Variants in ZRANB2 observed in about 807,000 individuals in gnomAD.
ZRANB2 encodes zinc finger Ran-binding domain-containing protein 2.
A neutral mutation model predicts 53.4 loss-of-function variants in ZRANB2; 19 were observed. The observed-to-expected ratio is 0.36, with a 90% CI of 0.25 to 0.52. The LOEUF (loss-of-function observed/expected upper bound fraction) is 0.52. ZRANB2 is among the 20% of genes least tolerant of loss of function. The pLI is 0.93. For synonymous variants in ZRANB2, 145 were observed against 134.8 expected (o/e 1.08, Z -0.52); for missense variants, 309 against 401.1 (o/e 0.77, Z 1.96).
At chr1:71,072,964 T>G (rs1164026214) in intron 4 of ZRANB2, among the ~76,000 whole-genome samples, 2 of 152,116 alleles carry the variant, frequency 1.3e-5, no homozygotes, top group African/African-American at 4.8e-5. Flanking sequence ...TCTTCTGATA[T>G]TCTGAAATTT....
At chr1:71,076,542 G>A (rs917860564) in intron 4 of ZRANB2, among the ~76,000 whole-genome samples, 1 of 152,102 alleles carries the variant, frequency 6.6e-6, no homozygotes, top group Non-Finnish European at 1.5e-5. Context: ...GGGAGAGGAG[G>A]AGAATATTTC....
chr1:71,076,728 AC>A lies in ZRANB2; in HGVS notation c.301+66del, dbSNP rs1298469557. 4.5e-5 allele frequency: 53 copies of A among 1,177,068 alleles called. No homozygotes were observed. In the African/African-American group the frequency reaches 7.0e-4, roughly 16 times the overall value. 72.9% of individuals were successfully genotyped at this position (1,177,068 alleles called of 1,614,324 possible). ...ACTGTGGCTCTTACTCGAAGGTGATACAATTATCGTTTCAATATTTAGTGCT... is the reference window on the plus strand; with the variant it reads ...ACTGTGGCTCTTACTCGAAGGTGATAAATTATCGTTTCAATATTTAGTGCT... On this transcript the variant is annotated intron_variant, in intron 4 of 9. Coordinates refer to ENST00000370920, the MANE Select transcript of ZRANB2 (RefSeq NM_203350.3).
In ZRANB2 at chr1:71,066,031, T is replaced by G. The variant is rs886098645; in HGVS notation, c.929+745A>C. 32 of 248,128 alleles carry G rather than the reference T, an allele frequency of 1.3e-4. No individual in the cohort carries two copies. In the East Asian group the frequency reaches 2.5e-3, roughly 19 times the overall value. The allele number at this position is 248,128 out of a possible 1,614,324, so 15.4% of individuals were successfully genotyped here. A position where few individuals can be genotyped will look rare whatever the true frequency, so the allele number is the denominator to read the frequency against. ...CCACTGAACCCAGCAATTAATAGAC[T>G]TTACATAATCTTTATTTTCACAAGC... On this transcript the variant is annotated intron_variant, in intron 9 of 9. Coordinates refer to ENST00000370920, the MANE Select transcript of ZRANB2 (RefSeq NM_203350.3).
At chr1:71,080,877 A>C in intron 1 of ZRANB2, 63 bp downstream of exon 1, 1 of 1,579,802 alleles carries the variant, frequency 6.3e-7, no homozygotes, top group Non-Finnish European at 8.7e-7. Flanking sequence ...AAAATGCCGG[A>C]CGGACCTCGG....
At chr1:71,070,172 G>T (rs963674944) in intron 7 of ZRANB2, among the ~76,000 whole-genome samples, 2 of 151,980 alleles carry the variant, frequency 1.3e-5, no homozygotes, top group South Asian at 4.2e-4. Flanking sequence ...TGTGATTAAG[G>T]TTTTTCAAGA....
intron 3 of ZRANB2, among the ~76,000 whole-genome samples, chr1:71,077,582 C>T (rs1261635378): frequency 6.6e-6 from 1 of 152,100 alleles, no homozygotes; most frequent in African/African-American, 2.4e-5. Context: ...GGAATAGTGG[C>T]CCATGCCTCG....
Position 71,066,901 on chromosome 1 carries a change from G to C in ZRANB2, c.804C>G (p.Ser268=). 6.3e-7 allele frequency: 1 copy of C among 1,598,630 alleles called. No homozygotes were observed. The change falls in exon 9 of 10, where the codon TCC becomes TCG. Residue 268 remains serine, a synonymous_variant. Coordinates refer to ENST00000370920, the MANE Select transcript of ZRANB2 (RefSeq NM_203350.3). ...AACTTGAATAAGATCTTTTTCGTGG[G>C]GAAGAAGAGCCCCTGTGGGACCTGG... The part of the protein sequence containing the change: ...SSSRSHRGSS[S]PRKRSYSSSS...
Position 71,065,919 on chromosome 1 carries a change from CTG to C in ZRANB2, c.930-784_930-783del, listed in dbSNP as rs776857056. 1.2e-3 allele frequency: 1,147 copies of C among 975,268 alleles called. 1 individual carries two copies. Among genetic ancestry groups the C allele is most frequent in the Non-Finnish European group, 1.6e-3 (1,070 of 683,510 alleles). 60.4% of individuals were successfully genotyped at this position (975,268 alleles called of 1,614,324 possible). ...AAGAAACAAATGCAGAGAAACAAGA[CTG>C]TGTGAAATCTTAACATCTAAACTCC... On this transcript the variant is annotated intron_variant, in intron 9 of 9. Transcript: ENST00000370920.
chr1:71,069,543 A>G (rs893152562), intron 7 of ZRANB2, 181 bp from the exon 8 acceptor site: 1 of 430,162 alleles, frequency 2.3e-6, no homozygotes, highest in African/African-American at 2.1e-5. Context: ...AAAGGTAATT[A>G]AAAAAATATC....
At position 71,064,939 on chromosome 1, in the gene ZRANB2, T is replaced by C; in HGVS notation, c.*135A>G. 1.8e-6 allele frequency: 1 copy of C among 547,422 alleles called. No homozygotes were observed. The highest frequency in any genetic ancestry group is 3.3e-6 in the Non-Finnish European group (1 of 304,582). The allele number at this position is 547,422 out of a possible 1,614,324, so 33.9% of individuals were successfully genotyped here. A position where few individuals can be genotyped will look rare whatever the true frequency, so the allele number is the denominator to read the frequency against. ...AACTTCACAAATAAACACAGCTGTA[T>C]TGTTTTGAAAAGCAATGAAAGGCAT... On this transcript the variant is annotated 3_prime_UTR_variant, in exon 10 of 10. Coordinates refer to ENST00000370920, the MANE Select transcript of ZRANB2 (RefSeq NM_203350.3).
intron 9 of ZRANB2, chr1:71,065,820 A>C: frequency 3.8e-6 from 6 of 1,588,920 alleles, no homozygotes; most frequent in East Asian, 2.3e-5. Flanking sequence ...TATGTGGCTA[A>C]GATAAAAATT....
intron 4 of ZRANB2, 152 bp downstream of exon 4, chr1:71,076,643 A>T (rs1039743370): frequency 4.6e-6 from 3 of 647,336 alleles, no homozygotes; most frequent in Non-Finnish European, 8.2e-6. Context: ...GTATGTGTGT[A>T]TGGGGGGAAA....
At position 71,069,374 on chromosome 1, in the gene ZRANB2, T is replaced by C. The variant is rs202095242; in HGVS notation, c.684-12A>G. 4 of 1,610,908 alleles carry C rather than the reference T, an allele frequency of 2.5e-6. No homozygotes were observed. Among genetic ancestry groups the C allele is most frequent in the Admixed American group, 1.7e-5 (1 of 59,694 alleles). On this transcript the variant is annotated splice_polypyrimidine_tract_variant and intron_variant, in intron 7 of 9. Coordinates refer to ENST00000370920, the MANE Select transcript of ZRANB2 (RefSeq NM_203350.3). ...TTCTTGAACGGGACCTGGAACAACATGGAACGATTTTTTTTTTCCAGGACC... is the reference window on the plus strand; with the variant it reads ...TTCTTGAACGGGACCTGGAACAACACGGAACGATTTTTTTTTTCCAGGACC...
chr1:71,081,000 A>C lies in ZRANB2; in HGVS notation c.-5T>G. On this transcript the variant is annotated 5_prime_UTR_variant, in exon 1 of 10. Transcript: ENST00000370920. ...TCGGAAATTCTTGGTCGACATCTTG[A>C]ACGCCACCAGCACAGCCACCCGCAG... 1.2e-6 allele frequency: 2 copies of C among 1,614,128 alleles called. No individual in the cohort carries two copies. The highest frequency in any genetic ancestry group is 1.7e-6 in the Non-Finnish European group (2 of 1,180,028).
chr1:71,066,938 C>A lies in ZRANB2; in HGVS notation c.771-4G>T. ...CCTGTGGGACCTGGAGCTGGATCTT[C>A]ATTGATTGAGAAACAAATCAAACAT... On this transcript the variant is annotated splice_polypyrimidine_tract_variant and splice_region_variant and intron_variant, in intron 8 of 9. Transcript: ENST00000370920. 6.5e-7 allele frequency: 1 copy of A among 1,549,776 alleles called. No individual in the cohort carries two copies. The highest frequency in any genetic ancestry group is 8.7e-7 in the Non-Finnish European group (1 of 1,149,260).
chr1:71,078,704 C>T lies in ZRANB2; in HGVS notation c.61G>A (p.Gly21Arg), dbSNP rs201958418. 1.2e-6 allele frequency: 2 copies of T among 1,612,320 alleles called. No homozygotes were observed. The highest frequency in any genetic ancestry group is 1.3e-5 in the African/African-American group (1 of 74,974). Residue 21 changes from glycine (G) to arginine (R), a missense_variant, in exon 2 of 10, where the codon GGA (glycine) becomes AGA (arginine). This residue lies in a region of ZRANB2 where 24 missense variants were observed against 24.9 expected (regional missense o/e 0.96). Transcript: ENST00000370920. ...GDWICPDKKCGNVNFARRTSC... is the reference protein window; with the variant it reads ...GDWICPDKKCRNVNFARRTSC... ...GTTCTTCTAGCAAAGTTTACATTTC[C>T]ACATCTAAAAACAGATTAAAAAGCA... is the stretch of plus-strand genomic sequence containing the variant.
chr1:71,078,637 ATCT>A lies in ZRANB2; in HGVS notation c.109+16_109+18del. ...ATGATACATATACAGTATAAATAGAATCTTCTTTAAATACTTACCCCGACCACA... is the reference window on the plus strand; with the variant it reads ...ATGATACATATACAGTATAAATAGAATCTTTAAATACTTACCCCGACCACA... On this transcript the variant is annotated intron_variant, in intron 2 of 9. Coordinates refer to ENST00000370920, the MANE Select transcript of ZRANB2 (RefSeq NM_203350.3). 6.2e-7 allele frequency: 1 copy of A among 1,610,970 alleles called. No individual in the cohort carries two copies. The highest frequency in any genetic ancestry group is 1.3e-5 in the African/African-American group (1 of 74,918).
chr1:71,066,868 A>T lies in ZRANB2; in HGVS notation c.837T>A (p.Ser279=), dbSNP rs749594425. The part of the protein sequence containing the change: ...PRKRSYSSSS[S]SPERNRKRSR... ...TTCTCTTTCTGTTCCTCTCAGGAGA[A>T]GATGATGAACTTGAATAAGATCTTT... Residue 279 remains serine (S), a synonymous_variant, in exon 9 of 10, where the codon TCT becomes TCA. Transcript: ENST00000370920. The T allele has an allele frequency of 1.4e-5, 22 of 1,611,744 alleles. No individual in the cohort carries two copies. In the Middle Eastern group the frequency reaches 4.9e-4, roughly 36 times the overall value.
chr1:71,070,805 C>A (rs1172292012), intron 7 of ZRANB2, 22 bp downstream of exon 7: 2 of 1,465,324 alleles, frequency 1.4e-6, no homozygotes, highest in East Asian at 4.7e-5. Flanking sequence ...ACTGGTGTTA[C>A]CCTTGACCTG....
Sources: allele counts gnomAD v4.1 joint callset (sites outside exome capture counted in the v4.1 genomes callset), GRCh38; gene constraint gnomAD v4.1.1; regional missense constraint gnomAD v4.1.1; transcripts MANE v1.5; gene names NCBI Gene and HGNC (gene_info 2026-07-23, HGNC 2026-07-21).